The following TCF25 variants were observed in gnomAD, a reference collection of about 807,000 sequenced individuals.
The protein encoded by TCF25 is TCF25 ribosome quality control complex subunit, also known as ribosome quality control complex subunit TCF25.
Under a neutral mutation model 83.1 loss-of-function variants are expected in TCF25, and 41 were observed. The ratio of observed to expected loss-of-function variants is 0.49; its 90% CI spans 0.38 to 0.64. The LOEUF (loss-of-function observed/expected upper bound fraction) is 0.64, where lower values mean the gene tolerates loss of function less well. TCF25 is among the 30% of genes least tolerant of loss of function. The probability of loss-of-function intolerance (pLI) is 0.00; values close to 1 mark genes in which losing one functional copy is unlikely to be tolerated. For synonymous variants in TCF25, 458 were observed against 365.0 expected (o/e 1.25, Z -2.90); for missense variants, 979 against 914.5 (o/e 1.07, Z -0.91).
At position 89,875,210 on chromosome 16, in the gene TCF25, A is replaced by G. The variant is rs369764923; in HGVS notation, c.192+1351A>G. On this transcript the variant is annotated intron_variant, in intron 1 of 17. Transcript: ENST00000263346. The stretch of plus-strand genomic sequence containing the variant: ...TTGTCAATGTAATTTGTGAAAAATG[A>G]TATCACATTATTTTATTTTACACTT... Among the ~76,000 whole-genome samples, 17 of 152,294 alleles carry G rather than the reference A, an allele frequency of 1.1e-4. 1 individual carries two copies. The South Asian group carries it at 2.7e-3, about 24-fold the overall frequency.
intron 16 of TCF25, 153 bp from the exon 17 acceptor site, chr16:89,910,438 C>G (rs2045467286): frequency 1.4e-6 from 1 of 717,906 alleles, no homozygotes; most frequent in South Asian, 1.7e-5. Context: ...CCCGGGGAAT[C>G]CAGGGCCTGT....
rs113640417 is a variant in TCF25, at chr16:89,874,773, AT to A, written c.192+928del. On this transcript the variant is annotated intron_variant, in intron 1 of 17. Transcript: ENST00000263346. ...AGGTGGATGTCACCACGCCCGGCTAATTTTTTTTTTTTTTCTTTTTTGTAGA... is the reference window on the plus strand; with the variant it reads ...AGGTGGATGTCACCACGCCCGGCTAATTTTTTTTTTTTTCTTTTTTGTAGA... 3.2e-3 allele frequency: 470 copies of A among 144,714 alleles called. 4 individuals carry two copies. Among genetic ancestry groups the A allele is most frequent in the Middle Eastern group, 7.4e-3 (2 of 272 alleles). The allele number at this position is 144,714 out of a possible 1,614,324, so 9.0% of individuals were successfully genotyped here. A position where few individuals can be genotyped will look rare whatever the true frequency, so the allele number is the denominator to read the frequency against.
chr16:89,885,786 AT>A, intron 3 of TCF25, 61 bp from the exon 4 acceptor site: 1 of 1,355,438 alleles, frequency 7.4e-7, no homozygotes, highest in Non-Finnish European at 1.1e-6. Context: ...TAATTTTGTT[AT>A]TGTTACAATA....
At position 89,910,587 on chromosome 16, in the gene TCF25, T is replaced by G; in HGVS notation, c.1800-4T>G. ...GTTTCTGACTTTTCTTGACTTTCTTTCAGGCTAAGTCCTATCAGCCATGGA... is the reference window on the plus strand; with the variant it reads ...GTTTCTGACTTTTCTTGACTTTCTTGCAGGCTAAGTCCTATCAGCCATGGA... On this transcript the variant is annotated splice_region_variant and splice_polypyrimidine_tract_variant and intron_variant, in intron 16 of 17. Coordinates refer to ENST00000263346, the MANE Select transcript of TCF25 (RefSeq NM_014972.3). The G allele has an allele frequency of 6.2e-7, 1 of 1,613,670 alleles. No individual in the cohort carries two copies. Among genetic ancestry groups the G allele is most frequent in the Non-Finnish European group, 8.5e-7 (1 of 1,179,914 alleles).
chr16:89,901,616 G>T (rs1489378288), intron 12 of TCF25, among the ~76,000 whole-genome samples: 2 of 98,000 alleles, frequency 2.0e-5, no homozygotes, highest in Non-Finnish European at 4.3e-5. Context: ...GTGTTGGCGG[G>T]CACCTGTAGT....
chr16:89,905,290 T>C (rs909002806), intron 14 of TCF25, among the ~76,000 whole-genome samples, 194 bp downstream of exon 14: 2 of 152,148 alleles, frequency 1.3e-5, no homozygotes, highest in African/African-American at 4.8e-5. Context: ...GAGGCAGCTG[T>C]GGTGATCAGC....
At chr16:89,904,506 G>A in intron 13 of TCF25, 1 of 507,752 alleles carries the variant, frequency 2.0e-6, no homozygotes, top group Non-Finnish European at 3.6e-6. Flanking sequence ...CTTGTGCCTG[G>A]GAGGTCAAAG....
At chr16:89,910,980 G>T in intron 17 of TCF25, 100 bp from the exon 18 acceptor site, 4 of 1,513,050 alleles carry the variant, frequency 2.6e-6, no homozygotes, top group Non-Finnish European at 3.6e-6. Flanking sequence ...CGGTGCTGGG[G>T]CAAGGGCCAC....
Position 89,887,654 on chromosome 16 carries a change from A to G in TCF25, c.551A>G (p.His184Arg). The G allele has an allele frequency of 1.3e-6, 2 of 1,583,362 alleles. No individual in the cohort carries two copies. The highest frequency in any genetic ancestry group is 8.5e-7 in the Non-Finnish European group (1 of 1,170,662). Residue 184 changes from histidine to arginine, a missense_variant and splice_region_variant, in exon 5 of 18, where the codon CAC (histidine) becomes CGC (arginine). Transcript: ENST00000263346. Reference protein sequence around the residue: ...RKHVLYVEHRHLNPDTELKRY... With the variant: ...RKHVLYVEHRRLNPDTELKRY... ...TTCTACAATTTTCAATTCCCCAGACACTTGAATCCAGACACAGAACTGAAA... is the reference window on the plus strand; with the variant it reads ...TTCTACAATTTTCAATTCCCCAGACGCTTGAATCCAGACACAGAACTGAAA...
intron 7 of TCF25, among the ~76,000 whole-genome samples, chr16:89,894,339 CT>C (rs1364099468): frequency 2.7e-5 from 4 of 150,488 alleles, no homozygotes; most frequent in African/African-American, 9.8e-5. Flanking sequence ...CATGCAGCCC[CT>C]GGACAGCTCC....
intron 1 of TCF25, among the ~76,000 whole-genome samples, chr16:89,876,599 T>G (rs966822275): frequency 1.3e-5 from 2 of 152,106 alleles, no homozygotes; most frequent in African/African-American, 4.8e-5. Context: ...GAGAGCAGCC[T>G]GGCCAACATG....
At chr16:89,876,934 A>T (rs2042237459) in intron 1 of TCF25, among the ~76,000 whole-genome samples, 1 of 147,446 alleles carries the variant, frequency 6.8e-6, no homozygotes, top group Non-Finnish European at 1.5e-5. Flanking sequence ...ATCTAAAAAA[A>T]AAAAAAAAAA....
intron 5 of TCF25, 42 bp downstream of exon 5, chr16:89,887,759 C>A: frequency 6.7e-7 from 1 of 1,501,896 alleles, no homozygotes; most frequent in South Asian, 1.3e-5. Context: ...CTGCTTCATT[C>A]CTTCTTAGAC....
At chr16:89,897,691 C>T (rs1337956505) in intron 9 of TCF25, among the ~76,000 whole-genome samples, 1 of 152,254 alleles carries the variant, frequency 6.6e-6, no homozygotes, top group Non-Finnish European at 1.5e-5. Context: ...ATCCGAAAGT[C>T]ACAGGGCTCC....
chr16:89,907,153 A>C (rs1307427950), intron 15 of TCF25, 90 bp from the exon 16 acceptor site: 10 of 1,290,828 alleles, frequency 7.7e-6, no homozygotes, highest in Admixed American at 3.4e-5. Context: ...CATCCAGTCC[A>C]TGCTGGAGTC....
chr16:89,878,434 A>ATTTTTTTTT, intron 1 of TCF25: 4 of 1,005,702 alleles, frequency 4.0e-6, no homozygotes, highest in South Asian at 1.8e-5. Flanking sequence ...AAAAATCACC[A>ATTTTTTTTT]TTTTTTTTTT....
chr16:89,900,218 C>T (rs992401376), intron 11 of TCF25, among the ~76,000 whole-genome samples: 6 of 151,846 alleles, frequency 4.0e-5, no homozygotes, highest in Admixed American at 3.3e-4. Flanking sequence ...GTAGACTGCT[C>T]GGAAACTCGC....
intron 1 of TCF25, among the ~76,000 whole-genome samples, chr16:89,877,235 G>A (rs112639564): frequency 2.6e-5 from 4 of 151,922 alleles, no homozygotes; most frequent in Non-Finnish European, 2.9e-5. Context: ...ACAGAGTCTC[G>A]CTCTATTGCC....
At chr16:89,879,130 G>A (rs1241907389) in intron 1 of TCF25, among the ~76,000 whole-genome samples, 1 of 151,094 alleles carries the variant, frequency 6.6e-6, no homozygotes, top group Non-Finnish European at 1.5e-5. Context: ...TACACAGATG[G>A]GCTTCGGGGC....
Sources: allele counts gnomAD v4.1 joint callset (sites outside exome capture counted in the v4.1 genomes callset), GRCh38; gene constraint gnomAD v4.1.1; transcripts MANE v1.5; gene names NCBI Gene and HGNC (gene_info 2026-07-23, HGNC 2026-07-21).